Variants in RELN observed in about 807,000 individuals in gnomAD.
RELN encodes reelin.
Under a neutral mutation model 427.6 loss-of-function variants are expected in RELN, and 108 were observed. The ratio of observed to expected loss-of-function variants is 0.25; its 90% CI spans 0.22 to 0.30. The LOEUF (loss-of-function observed/expected upper bound fraction) is 0.30. RELN is among the 10% of genes least tolerant of loss of function. RELN has a pLI of 1.00. For missense variants in RELN, 3,715 were observed against 4,302.8 expected, an observed-to-expected ratio of 0.86 and a Z score of 3.82; for synonymous variants, 1,524 against 1,513.4, an observed-to-expected ratio of 1.01 and a Z score of -0.16.
chr7:103,777,772 C>A (rs1041069243), intron 3 of RELN, among the ~76,000 whole-genome samples: 7 of 152,094 alleles, frequency 4.6e-5, no homozygotes, highest in African/African-American at 1.7e-4. Flanking sequence ...TAGTGTCAGT[C>A]CCCGTGGACC....
intron 8 of RELN, among the ~76,000 whole-genome samples, chr7:103,704,936 C>T (rs1267475597): frequency 1.3e-5 from 2 of 152,168 alleles, no homozygotes; most frequent in Non-Finnish European, 2.9e-5. Context: ...TTCCCAAATT[C>T]AGGTTATGTG....
chr7:103,900,239 G>A (rs1795053846), intron 2 of RELN, among the ~76,000 whole-genome samples: 2 of 152,118 alleles, frequency 1.3e-5, no homozygotes, highest in Admixed American at 6.6e-5. Flanking sequence ...CAACTTAGAA[G>A]ATATGTGAAG....
Position 103,511,654 on chromosome 7 carries a change from G to A in RELN, c.8120-649C>T, listed in dbSNP as rs571687436. Among the ~76,000 whole-genome samples the A allele has an allele frequency of 2.0e-5, 3 of 152,080 alleles. No individual in the cohort carries two copies. The South Asian group carries it at 6.2e-4, about 32-fold the overall frequency. On this transcript the variant is annotated intron_variant, in intron 50 of 64. Transcript: ENST00000428762. ...GCACTTTGAAAGGCTGAAGTGGGAG[G>A]ATCGCTTGAGGCCAGCCTGGGCAAC...
intron 2 of RELN, among the ~76,000 whole-genome samples, chr7:103,862,466 T>TCTAC (rs1563057183): frequency 2.0e-5 from 3 of 147,616 alleles, no homozygotes; most frequent in Admixed American, 6.9e-5. Context: ...TATCTATCTA[T>TCTAC]CTTCTCAATC....
chr7:103,511,499 T>G (rs1829413744), intron 50 of RELN, among the ~76,000 whole-genome samples: 1 of 152,172 alleles, frequency 6.6e-6, no homozygotes, highest in Non-Finnish European at 1.5e-5. Context: ...TCTGAAAGTA[T>G]TATCTGGGTA....
intron 29 of RELN, among the ~76,000 whole-genome samples, chr7:103,574,648 C>A (rs1830957910): frequency 6.6e-6 from 1 of 152,052 alleles, no homozygotes; most frequent in Non-Finnish European, 1.5e-5. Flanking sequence ...ATTCTAGGAT[C>A]AATAGGGGCA....
At chr7:103,675,268 G>C (rs1833491000) in intron 11 of RELN, among the ~76,000 whole-genome samples, 1 of 152,124 alleles carries the variant, frequency 6.6e-6, no homozygotes, top group Non-Finnish European at 1.5e-5. Context: ...GCCAAATCAT[G>C]AGTGAATTCC....
chr7:103,597,148 T>G (rs892828131), intron 24 of RELN, among the ~76,000 whole-genome samples: 1 of 152,176 alleles, frequency 6.6e-6, no homozygotes, highest in Non-Finnish European at 1.5e-5. Flanking sequence ...CTTCCTCATA[T>G]GGTGTTGTGA....
At chr7:103,511,892 A>G (rs1282944143) in intron 50 of RELN, among the ~76,000 whole-genome samples, 1 of 152,182 alleles carries the variant, frequency 6.6e-6, no homozygotes, top group African/African-American at 2.4e-5. Flanking sequence ...GACTCTGGAA[A>G]TATGCACAAC....
intron 31 of RELN, among the ~76,000 whole-genome samples, chr7:103,571,327 G>A (rs147794079): frequency 4.6e-5 from 7 of 152,268 alleles, no homozygotes; most frequent in Non-Finnish European, 8.8e-5. Flanking sequence ...CACATTCAAG[G>A]TCCCCTAAGG....
At chr7:103,698,150 A>T in intron 9 of RELN, 57 bp from the exon 10 acceptor site, 1 of 1,608,102 alleles carries the variant, frequency 6.2e-7, no homozygotes. Flanking sequence ...TTTCTTAGAG[A>T]TGAATTTTGT....
At chr7:103,708,187 G>A (rs1047847404) in intron 8 of RELN, among the ~76,000 whole-genome samples, 1 of 152,086 alleles carries the variant, frequency 6.6e-6, no homozygotes, top group Non-Finnish European at 1.5e-5. Context: ...TTTGTCATAG[G>A]AAGCCAGACC....
At chr7:103,982,381 C>T (rs1167936309) in intron 1 of RELN, among the ~76,000 whole-genome samples, 4 of 152,060 alleles carry the variant, frequency 2.6e-5, no homozygotes, top group African/African-American at 7.2e-5. Flanking sequence ...CAATTCAGAG[C>T]TTGATACAAG....
In RELN at chr7:103,551,198, G is replaced by C; in HGVS notation, c.6171C>G (p.Leu2057=). 6.2e-7 allele frequency: 1 copy of C among 1,614,132 alleles called. No homozygotes were observed. The highest frequency in any genetic ancestry group is 8.5e-7 in the Non-Finnish European group (1 of 1,180,032). The change falls in exon 41 of 65, where the codon CTC becomes CTG. Residue 2057 remains leucine (L), a synonymous_variant. Coordinates refer to ENST00000428762, the MANE Select transcript of RELN (RefSeq NM_005045.4). ...TGACGTGGCTGCTGCTGTGGTAGCA[G>C]AGGGGCAGCAGAAGGTGCCAGGTCG... ...FGATWHLLLP[L]CYHSSSHVSS...
chr7:103,519,426 G>A lies in RELN; in HGVS notation c.7759C>T (p.Pro2587Ser), dbSNP rs754171598. 1.4e-5 allele frequency: 22 copies of A among 1,613,414 alleles called. No homozygotes were observed. The South Asian group carries it at 2.4e-4, about 18-fold the overall frequency. ...AGAACACCTTGGTTACGGTTGTTTGGTGTAATCAGGCACCCATACATGAAG... is the reference window on the plus strand; with the variant it reads ...AGAACACCTTGGTTACGGTTGTTTGATGTAATCAGGCACCCATACATGAAG... ...FYFMYGCLIT[P>S]NNRNQGVLLE... The change falls in exon 49 of 65, where the codon CCA (proline) becomes TCA (serine). Residue 2587 changes from proline to serine, a missense_variant. By Grantham distance (74) the Pro-to-Ser change is moderately conservative. Transcript: ENST00000428762.
chr7:103,560,823 T>C (rs1301827096), intron 36 of RELN, among the ~76,000 whole-genome samples: 2 of 152,198 alleles, frequency 1.3e-5, no homozygotes, highest in Non-Finnish European at 2.9e-5. Flanking sequence ...CTATTGACTA[T>C]AATTGAAAAA....
rs775806672 is a variant in RELN, at chr7:103,503,130, T to A, written c.8375A>T (p.Gln2792Leu). ...GCATTTTGGGTCAGCAGGCAAGCAC[T>A]GAGGGACCAGATAATTCCAACTCAC... is the stretch of plus-strand genomic sequence containing the variant. The part of the protein sequence containing the change: ...FGVSWNYLVP[Q>L]CLPADPKCSG... Residue 2792 changes from glutamine (Q) to leucine (L), a missense_variant, in exon 52 of 65, where the codon CAG becomes CTG. Gln to Leu is a moderately radical substitution (Grantham distance 113). Around this residue, in one of 4 missense-constraint regions of RELN, gnomAD observed 1,310 missense variants for 1,643.0 expected, o/e 0.80. Transcript: ENST00000428762. 1 of 1,614,210 alleles carries A rather than the reference T, an allele frequency of 6.2e-7. No homozygotes were observed. The highest frequency in any genetic ancestry group is 8.5e-7 in the Non-Finnish European group (1 of 1,180,030).
chr7:103,639,492 C>T lies in RELN; in HGVS notation c.2069+1051G>A, dbSNP rs534504689. On this transcript the variant is annotated intron_variant, in intron 17 of 64. Transcript: ENST00000428762. ...TTGGCTCACTGCAACCTCTACCTCC[C>T]GGGTTCAGGTGATTCTCCTGCCTCA... Among the ~76,000 whole-genome samples, 38 of 151,428 alleles carry T rather than the reference C, an allele frequency of 2.5e-4. No individual in the cohort carries two copies. The South Asian group carries it at 7.5e-3, about 30-fold the overall frequency.
At chr7:103,730,709 T>A (rs1790332501) in intron 6 of RELN, among the ~76,000 whole-genome samples, 1 of 152,162 alleles carries the variant, frequency 6.6e-6, no homozygotes, top group African/African-American at 2.4e-5. Flanking sequence ...AAACAATGGC[T>A]TCACCAAGGA....
Sources: gnomAD v4.1 joint callset for allele counts (sites outside exome capture counted in the v4.1 genomes callset) on GRCh38, gnomAD v4.1.1 for gene constraint, gnomAD v4.1.1 regional missense constraint, MANE v1.5 for transcripts, NCBI Gene and HGNC (gene_info 2026-07-23, HGNC 2026-07-21) for gene names.